The following GARNL3 variants were observed in gnomAD, a reference collection of about 807,000 sequenced individuals.
The protein encoded by GARNL3 is GTPase-activating Rap/Ran-GAP domain-like protein 3.
A neutral mutation model predicts 125.0 loss-of-function variants in GARNL3; 63 were observed. The observed-to-expected ratio is 0.50, with a 90% CI of 0.41 to 0.62. The LOEUF (loss-of-function observed/expected upper bound fraction) is 0.62. Ranked by LOEUF, GARNL3 falls within the 20% of genes least tolerant of loss-of-function variation. The pLI, the probability that GARNL3 is intolerant of heterozygous loss-of-function variation, is 0.00. For missense variants in GARNL3, 994 were observed against 1,244.0 expected (o/e 0.80, Z 3.02); for synonymous variants, 439 against 457.5 (o/e 0.96, Z 0.52).
At chr9:127,363,409 T>G (rs1463281924) in intron 21 of GARNL3, 1 of 152,270 alleles carries the variant, frequency 6.6e-6, no homozygotes, top group African/African-American at 2.4e-5. Flanking sequence ...CTTTTCTGTA[T>G]CCTAGTGGCA....
At chr9:127,302,469 T>G (rs1029892477) in intron 2 of GARNL3, among the ~76,000 whole-genome samples, 1 of 152,210 alleles carries the variant, frequency 6.6e-6, no homozygotes. Context: ...AACTGGTTAG[T>G]GGCCATTAGA....
chr9:127,384,882 TTGCACA>T lies in GARNL3; in HGVS notation c.2270-142_2270-137del. 1.9e-6 allele frequency: 1 copy of T among 538,916 alleles called. No homozygotes were observed. The highest frequency in any genetic ancestry group is 3.4e-6 in the Non-Finnish European group (1 of 297,822). The allele number at this position is 538,916 out of a possible 1,614,324, so 33.4% of individuals were successfully genotyped here. A position where few individuals can be genotyped will look rare whatever the true frequency, so the allele number is the denominator to read the frequency against. ...CAGGCTACCTTAGGATCAGGGTGAC[TTGCACA>T]TGTGAAGGAAGGAGAGAAGCAGCCA... On this transcript the variant is annotated intron_variant, in intron 23 of 27. Transcript: ENST00000373387. The surrounding 1 kb of genome is among the most constrained non-coding windows in gnomAD (Gnocchi z 4.0).
intron 1 of GARNL3, among the ~76,000 whole-genome samples, chr9:127,238,229 C>T (rs1028112626): frequency 3.3e-5 from 5 of 152,102 alleles, no homozygotes; most frequent in African/African-American, 7.2e-5. Context: ...CCTCGTGATC[C>T]GCCCACCTTG....
At chr9:127,244,713 T>G (rs1346796299) in intron 2 of GARNL3, among the ~76,000 whole-genome samples, 1 of 152,244 alleles carries the variant, frequency 6.6e-6, no homozygotes, top group Admixed American at 6.5e-5. Flanking sequence ...ACAGCTCTTA[T>G]GCACTGAAGA....
At chr9:127,383,164 A>G (rs1172981843) in intron 22 of GARNL3, among the ~76,000 whole-genome samples, 1 of 152,240 alleles carries the variant, frequency 6.6e-6, no homozygotes, top group Non-Finnish European at 1.5e-5. Context: ...GTGAAGTTCT[A>G]CAGATTAAAT....
intron 1 of GARNL3, among the ~76,000 whole-genome samples, chr9:127,272,760 A>T (rs950546538): frequency 2.0e-5 from 3 of 152,206 alleles, no homozygotes; most frequent in African/African-American, 7.2e-5. Context: ...GGATACCTCC[A>T]GGTACAAAGT....
chr9:127,278,274 A>G (rs1478989792), intron 1 of GARNL3, among the ~76,000 whole-genome samples: 2 of 152,236 alleles, frequency 1.3e-5, no homozygotes, highest in South Asian at 2.1e-4. Flanking sequence ...TGTATACAAA[A>G]TGGGTTTATG....
intron 16 of GARNL3, among the ~76,000 whole-genome samples, chr9:127,348,576 C>G (rs1830263991): frequency 6.6e-6 from 1 of 152,146 alleles, no homozygotes; most frequent in African/African-American, 2.4e-5. Flanking sequence ...TATGAATTCT[C>G]TAAAACAGAG....
In GARNL3 at chr9:127,392,987, C is replaced by A; in HGVS notation, c.2871-96C>A. On this transcript the variant is annotated intron_variant, in intron 27 of 27. Coordinates refer to ENST00000373387, the MANE Select transcript of GARNL3 (RefSeq NM_032293.5). This position sits in a 1 kb window ranked among gnomAD's most constrained non-coding sequence, Gnocchi z 5.2. ...AACAGTGAGGGTTTGGTGAGCCAAA[C>A]TCATGAGCTCAGATGAGCAGGAAAT... 9.7e-7 allele frequency: 1 copy of A among 1,033,838 alleles called. No homozygotes were observed. The highest frequency in any genetic ancestry group is 1.4e-6 in the Non-Finnish European group (1 of 702,894). The allele number at this position is 1,033,838 out of a possible 1,614,324, so 64.0% of individuals were successfully genotyped here. A position where few individuals can be genotyped will look rare whatever the true frequency, so the allele number is the denominator to read the frequency against.
At chr9:127,306,844 C>T (rs1461080808) in intron 2 of GARNL3, among the ~76,000 whole-genome samples, 6 of 152,126 alleles carry the variant, frequency 3.9e-5, no homozygotes, top group South Asian at 2.1e-4. Context: ...AAGATCACGC[C>T]GCTGCACTCC....
At chr9:127,278,168 T>G (rs34408555) in intron 1 of GARNL3, among the ~76,000 whole-genome samples, 21 of 152,236 alleles carry the variant, frequency 1.4e-4, no homozygotes, top group Non-Finnish European at 2.4e-4. Context: ...AAATTTGAAA[T>G]ATACTGAAAA....
intron 27 of GARNL3, among the ~76,000 whole-genome samples, chr9:127,391,964 G>T (rs1461803488): frequency 1.3e-5 from 2 of 152,206 alleles, no homozygotes; most frequent in African/African-American, 4.8e-5. Context: ...CATTCTTGGA[G>T]CACCTAGGAC....
In GARNL3 at chr9:127,225,848, C is replaced by A. The variant is rs561211000; in HGVS notation, c.-29+1510C>A. Among the ~76,000 whole-genome samples, 300 of 118,118 alleles carry A rather than the reference C, an allele frequency of 2.5e-3. 1 individual carries two copies. The highest frequency in any genetic ancestry group is 4.5e-3 in the Non-Finnish European group (247 of 54,406). The allele number at this position is 118,118 out of a possible 152,430, so 77.5% of individuals were successfully genotyped here. On this transcript the variant is annotated intron_variant, in intron 1 of 10. Transcript: ENST00000439286. ...TTGCGCCCCTCGCGCCCCTTGCGCC[C>A]CTCTCCCTCGCGACGCCGGCCTCTG...
intron 1 of GARNL3, among the ~76,000 whole-genome samples, chr9:127,284,100 C>T (rs10987587): frequency 0.16 from 23,532 of 151,316 alleles, 2,513 homozygotes; most frequent in East Asian, 0.43. Flanking sequence ...CGTGTAGCTC[C>T]GGTGTGGAGC....
chr9:127,224,926 C>A lies in GARNL3; in HGVS notation c.-29+588C>A, dbSNP rs1322078304. Among the ~76,000 whole-genome samples, 36 of 14,416 alleles carry A rather than the reference C, an allele frequency of 2.5e-3. No homozygotes were observed. In the South Asian group the frequency reaches 0.049, roughly 20 times the overall value. 9.5% of individuals were successfully genotyped at this position (14,416 alleles called of 152,430 possible). On this transcript the variant is annotated intron_variant, in intron 1 of 10. Transcript: ENST00000439286. ...AGCGCGGGGCGGGGCGTGGGCGGGG[C>A]GTGGGCGGGGCGTGGGCGGGGCCTG...
intron 22 of GARNL3, among the ~76,000 whole-genome samples, chr9:127,368,008 CTTTTTT>C (rs10573639): frequency 1.2e-5 from 1 of 81,886 alleles, no homozygotes; most frequent in African/African-American, 4.7e-5. Context: ...CATAGACTTT[CTTTTTT>C]TTTTTTTTTT....
chr9:127,242,787 G>C lies in GARNL3; in HGVS notation c.-28-292G>C, dbSNP rs938013839. ...ATTCATACTGCCTTTCTCTAAACAA[G>C]TTTGTGATTGTTCAAATGCTCACTG... On this transcript the variant is annotated intron_variant, in intron 1 of 10. Transcript: ENST00000439286. This position sits in a 1 kb window ranked among gnomAD's most constrained non-coding sequence, Gnocchi z 4.6. Among the ~76,000 whole-genome samples the C allele has an allele frequency of 6.6e-6, 1 of 152,158 alleles. No individual in the cohort carries two copies. Among genetic ancestry groups the C allele is most frequent in the African/African-American group, 2.4e-5 (1 of 41,422 alleles).
At chr9:127,335,483 C>CCTG in intron 10 of GARNL3, 150 bp downstream of exon 10, 1 of 658,886 alleles carries the variant, frequency 1.5e-6, no homozygotes, top group African/African-American at 1.8e-5. Context: ...TGTATTGGAA[C>CCTG]TTTCTACAAA....
At chr9:127,298,418 A>G (rs1275376015) in intron 2 of GARNL3, among the ~76,000 whole-genome samples, 2 of 152,132 alleles carry the variant, frequency 1.3e-5, no homozygotes, top group African/African-American at 4.8e-5. Flanking sequence ...ACATCAGGTG[A>G]TCCATCCACT....
Sources: gnomAD v4.1 joint callset for allele counts (sites outside exome capture counted in the v4.1 genomes callset) on GRCh38, gnomAD v4.1.1 for gene constraint, Gnocchi (gnomAD v3.1) non-coding constraint, MANE v1.5 for transcripts, NCBI Gene and HGNC (gene_info 2026-07-23, HGNC 2026-07-21) for gene names.